ABCB4: variants seen among roughly 807,000 people sequenced by gnomAD.
The protein encoded by ABCB4 is phosphatidylcholine translocator ABCB4.
Under a neutral mutation model 145.7 loss-of-function variants are expected in ABCB4, and 76 were observed. The ratio of observed to expected loss-of-function variants is 0.52; its 90% CI spans 0.43 to 0.63. The LOEUF is 0.63. Ranked by LOEUF, ABCB4 falls within the 30% of genes least tolerant of loss-of-function variation. The pLI is 0.00. For missense variants in ABCB4, 1,234 were observed against 1,553.1 expected (o/e 0.79, Z 3.45); for synonymous variants, 517 against 566.8 (o/e 0.91, Z 1.25).
At chr7:87,382,976 A>T in the ABCB4 span, among the ~76,000 whole-genome samples, 2 of 152,200 alleles carry the variant, frequency 1.3e-5, no homozygotes, top group African/African-American at 4.8e-5. Flanking sequence ...TTGCTTTTTC[A>T]TTGATAAATA....
the ABCB4 span, chr7:87,375,709 G>A: frequency 3.4e-4 from 544 of 1,613,454 alleles, 2 homozygotes; most frequent in South Asian, 2.3e-3. Flanking sequence ...AGTGAGGAGC[G>A]AACTCGATGG....
At chr7:87,466,966 C>A (rs541330392) in intron 3 of ABCB4, among the ~76,000 whole-genome samples, 128 of 152,294 alleles carry the variant, frequency 8.4e-4, no homozygotes, top group African/African-American at 3.0e-3. Flanking sequence ...TAAAGACCAT[C>A]AAGGCTAGGA....
the ABCB4 span, chr7:87,382,203 T>G: frequency 6.4e-7 from 1 of 1,555,670 alleles, no homozygotes; most frequent in Non-Finnish European, 8.8e-7. Context: ...ACTTTTCTCT[T>G]AAATAATAAT....
the ABCB4 span, chr7:87,382,160 T>G: frequency 6.2e-7 from 1 of 1,611,448 alleles, no homozygotes; most frequent in Non-Finnish European, 8.5e-7. Context: ...TCAACCAAGC[T>G]AAAGCCCAGT....
At chr7:87,398,086 C>T (rs1232855883), downstream of ABCB4, among the ~76,000 whole-genome samples, 1 of 141,956 alleles carries the variant, frequency 7.0e-6, no homozygotes, top group African/African-American at 2.6e-5. Context: ...CCTTTCTCAC[C>T]TATCATCCTT....
rs547036251 is a variant in ABCB4, at chr7:87,437,248, A to C, written c.1731+2419T>G. On this transcript the variant is annotated intron_variant, in intron 14 of 27. Transcript: ENST00000649586. ...ACATTAGTCTTTGCTCTCTGGGTAC[A>C]CTGCCCTGAAACTTTCATATAAGGA... Among the ~76,000 whole-genome samples, 4 of 152,266 alleles carry C rather than the reference A, an allele frequency of 2.6e-5. No individual in the cohort carries two copies. The East Asian group carries it at 7.7e-4, about 29-fold the overall frequency.
chr7:87,392,876 T>C, the ABCB4 span: 1 of 1,609,852 alleles, frequency 6.2e-7, no homozygotes, highest in Non-Finnish European at 8.5e-7. Context: ...TCTTTTTGTA[T>C]ATTAAATGGT....
downstream of ABCB4, among the ~76,000 whole-genome samples, chr7:87,400,931 G>A (rs1254906205): frequency 6.6e-6 from 1 of 152,198 alleles, no homozygotes; most frequent in African/African-American, 2.4e-5. Flanking sequence ...CTTGCCTGAT[G>A]TGAATAATCA....
chr7:87,373,047 T>C, the ABCB4 span, among the ~76,000 whole-genome samples: 60 of 152,274 alleles, frequency 3.9e-4, no homozygotes, highest in Non-Finnish European at 5.6e-4. Flanking sequence ...ATTGAGAAAC[T>C]ACCAGAGAGT....
intron 2 of ABCB4, among the ~76,000 whole-genome samples, chr7:87,472,943 G>A (rs1473024317): frequency 1.3e-5 from 2 of 152,132 alleles, no homozygotes; most frequent in African/African-American, 4.8e-5. Context: ...TGCTAACAGT[G>A]TCGCTAAGTC....
Position 87,462,758 on chromosome 7 carries a change from C to A in ABCB4, c.286G>T (p.Val96Leu). The change falls in exon 4 of 28, where the codon GTG (valine) becomes TTG (leucine). Residue 96 changes from valine to leucine, a missense_variant and splice_region_variant. Val to Leu is a conservative substitution (Grantham distance 32, BLOSUM62 1). This residue lies in a region of ABCB4 where 467 missense variants were observed against 632.8 expected (regional missense o/e 0.74). Transcript: ENST00000649586. ...TTTTAAAAGGTAAAGAAATGCTTAC[C>A]TGGAAAGGAGAAGTTTCCTGCAGTA... ...VDTAGNFSFP[V>L]NFSLSLLNPG... is the part of the protein sequence containing the mutation. 6.2e-7 allele frequency: 1 copy of A among 1,613,682 alleles called. No individual in the cohort carries two copies. The highest frequency in any genetic ancestry group is 8.5e-7 in the Non-Finnish European group (1 of 1,179,800).
the ABCB4 span, among the ~76,000 whole-genome samples, chr7:87,390,888 TATTTTGTGGGTCAGTAATTTTATATCACA>T: frequency 6.6e-6 from 1 of 152,174 alleles, no homozygotes; most frequent in Non-Finnish European, 1.5e-5. Context: ...TTATATCACA[TATTTTGTGGGTCAGTAATTTTATATCACA>T]ATTTTGTGGG....
chr7:87,451,597 C>T (rs1811734776), intron 7 of ABCB4, 26 bp downstream of exon 7: 2 of 1,614,006 alleles, frequency 1.2e-6, no homozygotes, highest in African/African-American at 1.3e-5. Flanking sequence ...GGTTAACACA[C>T]ATAAAAAGGC....
the ABCB4 span, among the ~76,000 whole-genome samples, chr7:87,373,540 C>A: frequency 1.3e-5 from 2 of 151,848 alleles, no homozygotes; most frequent in East Asian, 1.9e-4. Context: ...CTTTTAAGAT[C>A]TTTTTAAAAA....
the ABCB4 span, among the ~76,000 whole-genome samples, chr7:87,394,987 G>GA: frequency 0.091 from 13,570 of 148,580 alleles, 859 homozygotes; most frequent in African/African-American, 0.18. Context: ...GCCCTATTCT[G>GA]AAAAAAAAAA....
At chr7:87,379,420 T>C in the ABCB4 span, among the ~76,000 whole-genome samples, 2 of 152,230 alleles carry the variant, frequency 1.3e-5, no homozygotes, top group Non-Finnish European at 2.9e-5. Flanking sequence ...TATATTGTTA[T>C]ATAAGAGTAA....
At chr7:87,401,237 C>T (rs547289979), downstream of ABCB4, among the ~76,000 whole-genome samples, 5 of 152,278 alleles carry the variant, frequency 3.3e-5, no homozygotes, top group South Asian at 6.2e-4. Flanking sequence ...ATTTAACAAC[C>T]TGATAGAGCG....
rs2230028 is a variant in ABCB4 at position 87,426,860 on chromosome 7, T to C, written c.1954A>G (p.Arg652Gly). ...GATTTCCAGCCATTTGGGGCCATTC[T>C]AGTGGCAGCCTTTTCATCATTTAGT... ...FELNDEKAAT[R>G]MAPNGWKSRL... Residue 652 changes from arginine to glycine, a missense_variant, in exon 16 of 28, where the codon AGA (arginine) becomes GGA (glycine). By Grantham distance (125) the Arg-to-Gly change is moderately radical. Around this residue, in one of 7 missense-constraint regions of ABCB4, gnomAD observed 321 missense variants for 332.6 expected, o/e 0.97. Transcript: ENST00000649586. The C allele has an allele frequency of 0.089, 144,410 of 1,613,710 alleles. 9,653 individuals carry two copies. The highest frequency in any genetic ancestry group is 0.35 in the African/African-American group (26,197 of 74,876).
the ABCB4 span, among the ~76,000 whole-genome samples, chr7:87,394,017 A>G: frequency 6.6e-6 from 1 of 152,212 alleles, no homozygotes; most frequent in Non-Finnish European, 1.5e-5. Flanking sequence ...CATAAAATAT[A>G]CACAAATCTA....
Sources: gnomAD v4.1 joint callset for allele counts (sites outside exome capture counted in the v4.1 genomes callset) on GRCh38, gnomAD v4.1.1 for gene constraint, gnomAD v4.1.1 regional missense constraint, MANE v1.5 for transcripts, NCBI Gene and HGNC (gene_info 2026-07-23, HGNC 2026-07-21) for gene names.